The following SNX30 variants were observed in gnomAD, a reference collection of about 807,000 sequenced individuals.
The protein encoded by SNX30 is sorting nexin-30.
A neutral mutation model predicts 46.4 loss-of-function variants in SNX30; 24 were observed. That is an observed-to-expected ratio of 0.52 (90% confidence interval 0.37 to 0.73). The LOEUF (loss-of-function observed/expected upper bound fraction) is 0.73. SNX30 is among the 30% of genes least tolerant of loss of function. SNX30 has a pLI of 0.00. For missense variants in SNX30, 533 were observed against 555.7 expected (o/e 0.96, Z 0.41); for synonymous variants, 189 against 211.5 (o/e 0.89, Z 0.92).
At chr9:112,778,773 G>A (rs1410023430) in intron 1 of SNX30, among the ~76,000 whole-genome samples, 2 of 152,154 alleles carry the variant, frequency 1.3e-5, no homozygotes, top group African/African-American at 4.8e-5. Context: ...CAGCTACCAG[G>A]TCCATGCTTT....
At chr9:112,848,013 G>A (rs756784511) in intron 6 of SNX30, among the ~76,000 whole-genome samples, 15 of 152,204 alleles carry the variant, frequency 9.9e-5, no homozygotes, top group Non-Finnish European at 2.1e-4. Flanking sequence ...TCCCTGGCTA[G>A]ATGAATGAAG....
chr9:112,859,134 T>A (rs77200698), intron 7 of SNX30, among the ~76,000 whole-genome samples: 9,747 of 152,192 alleles, frequency 0.064, 389 homozygotes, highest in Non-Finnish European at 0.092. Flanking sequence ...ACTTTCTGTC[T>A]CTATGACTTT....
chr9:112,873,872 CAG>C lies in SNX30; in HGVS notation c.*5031_*5032del, dbSNP rs1841482760. ...TCTCTATGGGTTGAAATGCCAAAAA[CAG>C]AAAACATGATGTTGACTCATGTAAT... is the stretch of plus-strand genomic sequence containing the variant. On this transcript the variant is annotated 3_prime_UTR_variant, in exon 9 of 9. Transcript: ENST00000374232. 1 of 152,174 alleles carries C rather than the reference CAG, an allele frequency of 6.6e-6. No individual in the cohort carries two copies. The highest frequency in any genetic ancestry group is 2.4e-5 in the African/African-American group (1 of 41,440). 9.4% of individuals were successfully genotyped at this position (152,174 alleles called of 1,614,324 possible). A position where few individuals can be genotyped will look rare whatever the true frequency, so the allele number is the denominator to read the frequency against.
intron 1 of SNX30, among the ~76,000 whole-genome samples, chr9:112,765,658 T>G (rs560524149): frequency 6.6e-6 from 1 of 152,342 alleles, no homozygotes; most frequent in South Asian, 2.1e-4. Flanking sequence ...TATTGAAGTA[T>G]GATTGACAAA....
At chr9:112,770,694 G>A (rs544636663) in intron 1 of SNX30, among the ~76,000 whole-genome samples, 2 of 151,414 alleles carry the variant, frequency 1.3e-5, no homozygotes, top group Admixed American at 6.6e-5. Flanking sequence ...CAACCTCCCT[G>A]TATAAACTAG....
At chr9:112,818,906 A>G (rs1366491446) in intron 3 of SNX30, among the ~76,000 whole-genome samples, 2 of 152,118 alleles carry the variant, frequency 1.3e-5, no homozygotes, top group Non-Finnish European at 2.9e-5. Context: ...TTTCCTCCAC[A>G]TACTTTTCTG....
rs572613053 is a variant in SNX30, at chr9:112,822,042, T to C, written c.459+4227T>C. On this transcript the variant is annotated intron_variant, in intron 3 of 8. Coordinates refer to ENST00000374232, the MANE Select transcript of SNX30 (RefSeq NM_001012994.2). ...GATCTTCCCACCTCAGCCTCTCGAA[T>C]AGCTGGGACTACAGGCACCCTATGC... Among the ~76,000 whole-genome samples the C allele has an allele frequency of 2.0e-5, 3 of 152,182 alleles. No individual in the cohort carries two copies. The South Asian group carries it at 6.2e-4, about 32-fold the overall frequency.
At chr9:112,766,571 C>T (rs1588108606) in intron 1 of SNX30, among the ~76,000 whole-genome samples, 2 of 152,294 alleles carry the variant, frequency 1.3e-5, no homozygotes, top group African/African-American at 4.8e-5. Context: ...AGAACTTTTT[C>T]ATCTTGCAAA....
chr9:112,796,740 T>C (rs1840114307), intron 1 of SNX30, among the ~76,000 whole-genome samples: 1 of 152,176 alleles, frequency 6.6e-6, no homozygotes, highest in East Asian at 1.9e-4. Context: ...GCTTTTTCTG[T>C]GTACTTTCCA....
At chr9:112,837,339 G>A (rs780797568) in intron 5 of SNX30, among the ~76,000 whole-genome samples, 1 of 152,140 alleles carries the variant, frequency 6.6e-6, no homozygotes, top group Non-Finnish European at 1.5e-5. Flanking sequence ...AGTAAATTCT[G>A]ATGGGATCCA....
At chr9:112,823,674 A>G (rs530917113) in intron 3 of SNX30, among the ~76,000 whole-genome samples, 1 of 152,372 alleles carries the variant, frequency 6.6e-6, no homozygotes, top group African/African-American at 2.4e-5. Context: ...TCTTTTGAGT[A>G]GTAGTAAACT....
rs760851877 is a variant in SNX30, at chr9:112,750,998, C to G, written c.-4C>G. On this transcript the variant is annotated 5_prime_UTR_variant, in exon 1 of 9. Transcript: ENST00000374232. ...GCGGCGGCGCGTCCCGAGCGGTGCGCGCCATGGCGGGCGGGCCCCCCAAGG... is the reference window on the plus strand; with the variant it reads ...GCGGCGGCGCGTCCCGAGCGGTGCGGGCCATGGCGGGCGGGCCCCCCAAGG... 2.4e-6 allele frequency: 3 copies of G among 1,275,144 alleles called. No individual in the cohort carries two copies. In the East Asian group the frequency reaches 9.5e-5, roughly 40 times the overall value. 79.0% of individuals were successfully genotyped at this position (1,275,144 alleles called of 1,614,324 possible).
intron 5 of SNX30, among the ~76,000 whole-genome samples, chr9:112,837,558 C>T (rs1840777559): frequency 6.6e-6 from 1 of 152,048 alleles, no homozygotes; most frequent in East Asian, 1.9e-4. Context: ...TCACTGCAAG[C>T]GCCGCCTCCC....
chr9:112,850,755 G>A, intron 6 of SNX30, 104 bp from the exon 7 acceptor site: 1 of 766,338 alleles, frequency 1.3e-6, no homozygotes, highest in Admixed American at 2.3e-5. Flanking sequence ...GCCTGGGGTA[G>A]GCCTTGATTT....
chr9:112,884,200 C>G (rs773209030), downstream of SNX30, among the ~76,000 whole-genome samples: 1 of 152,218 alleles, frequency 6.6e-6, no homozygotes, highest in Admixed American at 6.5e-5. Flanking sequence ...CAGCCACAGC[C>G]CCCTGGGATT....
chr9:112,862,191 G>GA (rs1841249812), intron 7 of SNX30, among the ~76,000 whole-genome samples: 1 of 152,016 alleles, frequency 6.6e-6, no homozygotes, highest in African/African-American at 2.4e-5. Flanking sequence ...ACACACCTGG[G>GA]AATCTTTAAA....
At chr9:112,807,447 A>G (rs1234563175) in intron 2 of SNX30, among the ~76,000 whole-genome samples, 2 of 152,058 alleles carry the variant, frequency 1.3e-5, no homozygotes, top group East Asian at 1.9e-4. Context: ...GTCTTACCCC[A>G]CTACACCACT....
chr9:112,767,210 A>G (rs111328132), intron 1 of SNX30, among the ~76,000 whole-genome samples: 3 of 151,870 alleles, frequency 2.0e-5, no homozygotes, highest in African/African-American at 7.2e-5. Context: ...GATGTTCAAT[A>G]TATTTTCATA....
intron 1 of SNX30, among the ~76,000 whole-genome samples, chr9:112,792,974 T>G (rs1840051162): frequency 6.6e-6 from 1 of 152,116 alleles, no homozygotes; most frequent in Non-Finnish European, 1.5e-5. Context: ...AAATGCATGT[T>G]TATCTGTTAT....
Sources: allele counts gnomAD v4.1 joint callset (sites outside exome capture counted in the v4.1 genomes callset), GRCh38; gene constraint gnomAD v4.1.1; transcripts MANE v1.5; gene names NCBI Gene and HGNC (gene_info 2026-07-23, HGNC 2026-07-21).